Variants in COL23A1 observed in about 807,000 individuals in gnomAD.
COL23A1 encodes the protein collagen alpha-1(XXIII) chain.
Under a neutral mutation model 99.3 loss-of-function variants are expected in COL23A1, and 97 were observed. The ratio of observed to expected loss-of-function variants is 0.98; its 90% confidence interval spans 0.83 to 1.16. The LOEUF (loss-of-function observed/expected upper bound fraction) is 1.16. Among genes scored for constraint, COL23A1 ranks in the 50% most tolerant of loss-of-function variants. The pLI is 0.00. For missense variants in COL23A1, 762 were observed against 757.4 expected (o/e 1.01, Z -0.07); for synonymous variants, 320 against 308.2 (o/e 1.04, Z -0.40).
In COL23A1 at chr5:178,237,752, C is replaced by G. The variant is rs1397042695; in HGVS notation, c.*946G>C. ...GCCTCTCGTCAGAGCGTGGGTGGGT[C>G]TGGTGGCAGGCCCCCTGCTCAGGCC... On this transcript the variant is annotated 3_prime_UTR_variant, in exon 29 of 29. Coordinates refer to ENST00000390654, the MANE Select transcript of COL23A1 (RefSeq NM_173465.4). 1 of 152,514 alleles carries G rather than the reference C, an allele frequency of 6.6e-6. No homozygotes were observed. The highest frequency in any genetic ancestry group is 6.5e-5 in the Admixed American group (1 of 15,290). The allele number at this position is 152,514 out of a possible 1,614,324, so 9.4% of individuals were successfully genotyped here.
At chr5:178,478,108 G>T (rs1757128817) in intron 2 of COL23A1, among the ~76,000 whole-genome samples, 1 of 152,182 alleles carries the variant, frequency 6.6e-6, no homozygotes, top group African/African-American at 2.4e-5. Flanking sequence ...GCCTCAATCA[G>T]TTGAGCCAGA....
chr5:178,430,950 C>A (rs1172359067), intron 2 of COL23A1, among the ~76,000 whole-genome samples: 1 of 151,988 alleles, frequency 6.6e-6, no homozygotes, highest in Non-Finnish European at 1.5e-5. Context: ...AAGACATGAG[C>A]GGCCTGCTGC....
chr5:178,263,941 G>A (rs1316600782), intron 8 of COL23A1, among the ~76,000 whole-genome samples: 1 of 152,138 alleles, frequency 6.6e-6, no homozygotes, highest in Non-Finnish European at 1.5e-5. Flanking sequence ...TATGCTAAGT[G>A]GAAAAAGTCC....
chr5:178,305,871 G>A (rs1339701552), intron 3 of COL23A1, among the ~76,000 whole-genome samples: 1 of 152,088 alleles, frequency 6.6e-6, no homozygotes, highest in Non-Finnish European at 1.5e-5. Context: ...AAGGGATCGA[G>A]GATGCAGCCA....
intron 3 of COL23A1, among the ~76,000 whole-genome samples, chr5:178,304,505 CAAAAAAA>C (rs35806686): frequency 9.3e-5 from 3 of 32,216 alleles, no homozygotes; most frequent in Non-Finnish European, 2.1e-4. Context: ...GCGACTGTCT[CAAAAAAA>C]AAAAAAAAAA....
intron 2 of COL23A1, among the ~76,000 whole-genome samples, chr5:178,325,664 G>A (rs919080949): frequency 1.3e-5 from 2 of 152,130 alleles, no homozygotes; most frequent in African/African-American, 2.4e-5. Context: ...GCCAGACCAC[G>A]AGCTCCCCAA....
intron 2 of COL23A1, among the ~76,000 whole-genome samples, chr5:178,339,694 C>A (rs1332173500): frequency 6.6e-6 from 1 of 152,202 alleles, no homozygotes; most frequent in Non-Finnish European, 1.5e-5. Context: ...TCTGCCAGCG[C>A]CTCAGTGGGC....
intron 2 of COL23A1, among the ~76,000 whole-genome samples, chr5:178,345,890 G>C (rs1448857988): frequency 6.6e-6 from 1 of 151,986 alleles, no homozygotes; most frequent in African/African-American, 2.4e-5. Context: ...GGGAGGACAT[G>C]GTCATTCACT....
At chr5:178,286,812 CG>C (rs1757179217) in intron 5 of COL23A1, among the ~76,000 whole-genome samples, 1 of 152,168 alleles carries the variant, frequency 6.6e-6, no homozygotes. Flanking sequence ...GCATCCTCTC[CG>C]ATGCTCGAGG....
intron 2 of COL23A1, among the ~76,000 whole-genome samples, chr5:178,328,547 A>G: frequency 6.6e-6 from 1 of 152,174 alleles, no homozygotes; most frequent in Non-Finnish European, 1.5e-5. Flanking sequence ...GGGTCTATTC[A>G]TGGCTTTCTT....
intron 15 of COL23A1, among the ~76,000 whole-genome samples, chr5:178,256,119 A>C (rs1389330868): frequency 1.3e-5 from 2 of 152,242 alleles, no homozygotes; most frequent in African/African-American, 4.8e-5. Context: ...ATCTGGCTTC[A>C]TAATAGCAGG....
chr5:178,547,200 C>G (rs926523893), intron 2 of COL23A1, among the ~76,000 whole-genome samples: 3 of 152,086 alleles, frequency 2.0e-5, no homozygotes, highest in African/African-American at 7.2e-5. Flanking sequence ...CCGACAGTAT[C>G]TGATTCACGC....
At chr5:178,547,452 C>T (rs1042694519) in intron 2 of COL23A1, among the ~76,000 whole-genome samples, 6 of 148,694 alleles carry the variant, frequency 4.0e-5, no homozygotes, top group South Asian at 4.3e-4. Context: ...TATGCATGCA[C>T]GTGTGGGCAC....
chr5:178,560,637 G>T (rs947061692), intron 2 of COL23A1, 45 bp downstream of exon 2: 1 of 1,569,288 alleles, frequency 6.4e-7, no homozygotes, highest in South Asian at 1.2e-5. Flanking sequence ...CCAAGCAAAC[G>T]GCGGCCGAAC....
intron 2 of COL23A1, among the ~76,000 whole-genome samples, chr5:178,323,680 C>T (rs1168918369): frequency 6.6e-6 from 1 of 152,178 alleles, no homozygotes; most frequent in Non-Finnish European, 1.5e-5. Flanking sequence ...GTCACCTTGG[C>T]TGCTTCTAGA....
intron 2 of COL23A1, among the ~76,000 whole-genome samples, chr5:178,497,926 T>G (rs1204705031): frequency 2.0e-5 from 3 of 151,710 alleles, no homozygotes; most frequent in African/African-American, 7.3e-5. Context: ...AAAGAGAATA[T>G]ATATAAATTT....
intron 1 of COL23A1, chr5:178,562,279 G>A (rs1229915943): frequency 1.9e-5 from 6 of 309,398 alleles, no homozygotes; most frequent in Non-Finnish European, 2.5e-5. Flanking sequence ...ATGGAGCCGC[G>A]GGCCGGGCAC....
chr5:178,448,140 G>A (rs1226353000), intron 2 of COL23A1, among the ~76,000 whole-genome samples: 1 of 151,350 alleles, frequency 6.6e-6, no homozygotes, highest in African/African-American at 2.4e-5. Context: ...AGTGCTAGTC[G>A]CAGTCCGTTT....
At chr5:178,271,332 T>C (rs1007933901) in intron 5 of COL23A1, among the ~76,000 whole-genome samples, 3 of 152,118 alleles carry the variant, frequency 2.0e-5, no homozygotes, top group Non-Finnish European at 4.4e-5. Flanking sequence ...GCAGCAACGA[T>C]GCACACAGCT....
Sources: allele counts gnomAD v4.1 joint callset (sites outside exome capture counted in the v4.1 genomes callset), GRCh38; gene constraint gnomAD v4.1.1; transcripts MANE v1.5; gene names NCBI Gene and HGNC (gene_info 2026-07-23, HGNC 2026-07-21).